KIF13A: variants seen among roughly 807,000 people sequenced by gnomAD.
The protein encoded by KIF13A is kinesin family member 13A, also known as kinesin-like protein KIF13A.
In KIF13A, 79 loss-of-function variants were observed where a neutral mutation model predicts 212.2. The observed-to-expected ratio is 0.37, with a 90% CI of 0.31 to 0.45. The LOEUF is 0.45. Among genes scored for constraint, KIF13A ranks in the 20% least tolerant of loss-of-function variants. KIF13A has a pLI of 1.00. For missense variants in KIF13A, 1,901 were observed against 2,209.0 expected (o/e 0.86, Z 2.79); for synonymous variants, 789 against 808.6 (o/e 0.98, Z 0.41).
At chr6:17,781,746 C>T (rs1278188824) in intron 29 of KIF13A, among the ~76,000 whole-genome samples, 1 of 151,460 alleles carries the variant, frequency 6.6e-6, no homozygotes, top group Non-Finnish European at 1.5e-5. Context: ...CCCACCTCAG[C>T]CTCCTGAGTA....
Position 17,888,398 on chromosome 6 carries a change from A to G in KIF13A, c.159+9770T>C, listed in dbSNP as rs1771741331. ...GTCTGCTGCATTTGACTGGGTAATG[A>G]AACAAGCAAAAGCCTTAGGAAGTAT... On this transcript the variant is annotated intron_variant, in intron 3 of 38. Coordinates refer to ENST00000259711, the MANE Select transcript of KIF13A (RefSeq NM_022113.6). The surrounding 1 kb of genome is among the most constrained non-coding windows in gnomAD (Gnocchi z 4.8). Among the ~76,000 whole-genome samples, 1 of 152,198 alleles carries G rather than the reference A, an allele frequency of 6.6e-6. No homozygotes were observed.
At chr6:17,835,066 A>C (rs547211430) in intron 11 of KIF13A, among the ~76,000 whole-genome samples, 1 of 151,816 alleles carries the variant, frequency 6.6e-6, no homozygotes, top group Non-Finnish European at 1.5e-5. Context: ...CCTGTCTGTA[A>C]TCCTAGCTAC....
intron 23 of KIF13A, among the ~76,000 whole-genome samples, chr6:17,795,755 G>A (rs545976005): frequency 2.0e-5 from 3 of 152,300 alleles, no homozygotes; most frequent in African/African-American, 7.2e-5. Context: ...TGCAGCTTGT[G>A]TATTCATTTT....
chr6:17,946,639 G>T (rs1481059496), intron 2 of KIF13A, among the ~76,000 whole-genome samples: 7 of 152,106 alleles, frequency 4.6e-5, no homozygotes, highest in Non-Finnish European at 7.4e-5. Context: ...ATAATATTAA[G>T]TACTGTCATT....
At chr6:17,896,003 C>T (rs1204789055) in intron 3 of KIF13A, among the ~76,000 whole-genome samples, 2 of 152,146 alleles carry the variant, frequency 1.3e-5, no homozygotes, top group East Asian at 3.8e-4. Flanking sequence ...ACCAATCATC[C>T]TTTGGTATAT....
chr6:17,761,817 T>C (rs1758599383), downstream of KIF13A, among the ~76,000 whole-genome samples: 1 of 152,158 alleles, frequency 6.6e-6, no homozygotes, highest in Non-Finnish European at 1.5e-5. Flanking sequence ...CCTTTTCCTG[T>C]TGGGTTCTAA....
chr6:17,844,778 G>A lies in KIF13A; in HGVS notation c.830+4599C>T, dbSNP rs80048917. ...TTTTTAATTCACATGTATGGACTCC[G>A]TAATGTACAAGTCATAAATTAAGAA... On this transcript the variant is annotated intron_variant, in intron 9 of 38. Coordinates refer to ENST00000259711, the MANE Select transcript of KIF13A (RefSeq NM_022113.6). 6.9e-3 allele frequency among the ~76,000 whole-genome samples: 1,052 copies of A among 152,234 alleles called. 15 individuals are homozygous for A. The highest frequency in any genetic ancestry group is 0.022 in the African/African-American group (934 of 41,550).
Position 17,856,257 on chromosome 6 carries a change from G to T in KIF13A, c.221-135C>A. On this transcript the variant is annotated intron_variant, in intron 4 of 38. Transcript: ENST00000259711. This position sits in a 1 kb window ranked among gnomAD's most constrained non-coding sequence, Gnocchi z 4.5. ...CCGAGTGCCCACTAAGTACAGGGCTGTGTATTAAGAGCTTGATATATGCAA... is the reference window on the plus strand; with the variant it reads ...CCGAGTGCCCACTAAGTACAGGGCTTTGTATTAAGAGCTTGATATATGCAA... 1.6e-6 allele frequency: 1 copy of T among 620,182 alleles called. No homozygotes were observed. Among genetic ancestry groups the T allele is most frequent in the Non-Finnish European group, 2.8e-6 (1 of 352,298 alleles). 38.4% of individuals were successfully genotyped at this position (620,182 alleles called of 1,614,324 possible).
downstream of KIF13A, chr6:17,760,935 A>C (rs1581830382): frequency 6.4e-7 from 1 of 1,571,576 alleles, no homozygotes. Flanking sequence ...CACCCCACCC[A>C]CAGCACCTAC....
intron 2 of KIF13A, among the ~76,000 whole-genome samples, chr6:17,927,874 C>T (rs762029988): frequency 4.6e-5 from 7 of 152,156 alleles, no homozygotes; most frequent in Non-Finnish European, 7.4e-5. Flanking sequence ...GGCGTGAGCC[C>T]GTGCAGCACC....
intron 2 of KIF13A, among the ~76,000 whole-genome samples, chr6:17,913,924 G>A (rs1266170949): frequency 6.6e-6 from 1 of 152,178 alleles, no homozygotes; most frequent in Non-Finnish European, 1.5e-5. Flanking sequence ...GAGGCTCAGT[G>A]CCAGCCTGTT....
Position 17,849,997 on chromosome 6 carries a change from T to C in KIF13A, c.717+326A>G, listed in dbSNP as rs1266158060. Among the ~76,000 whole-genome samples, 1 of 152,202 alleles carries C rather than the reference T, an allele frequency of 6.6e-6. No homozygotes were observed. The highest frequency in any genetic ancestry group is 1.9e-4 in the East Asian group (1 of 5,192). On this transcript the variant is annotated intron_variant, in intron 8 of 38. Coordinates refer to ENST00000259711, the MANE Select transcript of KIF13A (RefSeq NM_022113.6). This position sits in a 1 kb window ranked among gnomAD's most constrained non-coding sequence, Gnocchi z 5.7. ...GCACAAGAAATACAATTATTTTTCT[T>C]TTTTGTTTTTGTAGAGTCTGGGTGT...
chr6:17,772,410 G>T lies in KIF13A; in HGVS notation c.4325-351C>A, dbSNP rs562097041. Among the ~76,000 whole-genome samples, 86 of 152,024 alleles carry T rather than the reference G, an allele frequency of 5.7e-4. No homozygotes were observed. Among genetic ancestry groups the T allele is most frequent in the Non-Finnish European group, 8.7e-4 (59 of 67,986 alleles). ...GGCAAGAGAGAGAGAGGGAGACCCT[G>T]TCTAAAAACAAAACAAAAAAACCCC... On this transcript the variant is annotated intron_variant, in intron 36 of 38. Transcript: ENST00000259711. This position sits in a 1 kb window ranked among gnomAD's most constrained non-coding sequence, Gnocchi z 4.8.
intron 2 of KIF13A, among the ~76,000 whole-genome samples, chr6:17,948,216 G>T (rs1011731303): frequency 6.6e-6 from 1 of 152,180 alleles, no homozygotes; most frequent in African/African-American, 2.4e-5. Context: ...CCAGACTGAA[G>T]GATCAGAACA....
At chr6:17,876,377 G>C (rs1181577959) in intron 3 of KIF13A, among the ~76,000 whole-genome samples, 2 of 151,958 alleles carry the variant, frequency 1.3e-5, no homozygotes, top group African/African-American at 4.8e-5. Flanking sequence ...CCTTACCTCA[G>C]AATTACTAAG....
At position 17,888,096 on chromosome 6, in the gene KIF13A, C is replaced by G. The variant is rs560659225; in HGVS notation, c.159+10072G>C. 2.0e-5 allele frequency among the ~76,000 whole-genome samples: 3 copies of G among 152,186 alleles called. No individual in the cohort carries two copies. The South Asian group carries it at 6.2e-4, about 32-fold the overall frequency. Reference sequence around the variant, plus strand: ...TGAAGTTCCATGTTTAGCTATGAAGCCTTCTTCCTCAGAAGACACAAGACA... The same window carrying G: ...TGAAGTTCCATGTTTAGCTATGAAGGCTTCTTCCTCAGAAGACACAAGACA... On this transcript the variant is annotated intron_variant, in intron 3 of 38. Coordinates refer to ENST00000259711, the MANE Select transcript of KIF13A (RefSeq NM_022113.6). The surrounding 1 kb of genome is among the most constrained non-coding windows in gnomAD (Gnocchi z 4.8).
In KIF13A at chr6:17,961,205, G is replaced by T. The variant is rs575642288; in HGVS notation, c.146+25849C>A. Among the ~76,000 whole-genome samples the T allele has an allele frequency of 8.0e-5, 11 of 137,082 alleles. No individual in the cohort carries two copies. The highest frequency in any genetic ancestry group is 1.9e-4 in the Non-Finnish European group (11 of 57,736). 89.9% of individuals were successfully genotyped at this position (137,082 alleles called of 152,430 possible). A position where few individuals can be genotyped will look rare whatever the true frequency, so the allele number is the denominator to read the frequency against. On this transcript the variant is annotated intron_variant, in intron 2 of 38. Transcript: ENST00000259711. The surrounding 1 kb of genome is among the most constrained non-coding windows in gnomAD (Gnocchi z 4.1). ...GAGCACTTCAAACTGGAGAAAATAC[G>T]GAAGTGGAAACTGGGATGTGCAGCT... is the stretch of plus-strand genomic sequence containing the variant.
At chr6:17,775,437 T>C (rs564657909) in intron 34 of KIF13A, among the ~76,000 whole-genome samples, 5 of 152,326 alleles carry the variant, frequency 3.3e-5, no homozygotes, top group African/African-American at 9.6e-5. Context: ...CTAGAGTATA[T>C]ATCTAAGGGA....
intron 4 of KIF13A, among the ~76,000 whole-genome samples, chr6:17,868,517 A>T (rs1769640688): frequency 6.6e-6 from 1 of 151,418 alleles, no homozygotes; most frequent in Non-Finnish European, 1.5e-5. Context: ...TAGAAATGCC[A>T]TGCTCCAGGT....
Sources: gnomAD v4.1 joint callset for allele counts (sites outside exome capture counted in the v4.1 genomes callset) on GRCh38, gnomAD v4.1.1 for gene constraint, Gnocchi (gnomAD v3.1) non-coding constraint, MANE v1.5 for transcripts, NCBI Gene and HGNC (gene_info 2026-07-23, HGNC 2026-07-21) for gene names.